The following ITPR2 variants were observed in gnomAD, a reference collection of about 807,000 sequenced individuals.
The protein encoded by ITPR2 is inositol 1,4,5-trisphosphate-gated calcium channel ITPR2.
ITPR2 carries 207 observed loss-of-function variants against 317.1 expected under a neutral mutation model. That is an observed-to-expected ratio of 0.65 (90% CI 0.58 to 0.73). ITPR2 has a LOEUF of 0.73. ITPR2 is among the 30% of genes least tolerant of loss of function. ITPR2 has a pLI of 0.00. For missense variants in ITPR2, 2,613 were observed against 3,284.0 expected, an observed-to-expected ratio of 0.80 and a Z score of 4.99; for synonymous variants, 1,156 against 1,149.1, an observed-to-expected ratio of 1.01 and a Z score of -0.12.
At chr12:26,402,387 C>T (rs1381231274) in intron 52 of ITPR2, among the ~76,000 whole-genome samples, 1 of 152,142 alleles carries the variant, frequency 6.6e-6, no homozygotes, top group African/African-American at 2.4e-5. Flanking sequence ...GGTCATGTCA[C>T]AGGTGTTTGT....
intron 41 of ITPR2, among the ~76,000 whole-genome samples, chr12:26,484,101 A>T (rs1309005064): frequency 6.6e-6 from 1 of 151,422 alleles, no homozygotes; most frequent in Non-Finnish European, 1.5e-5. Context: ...ACACACACAT[A>T]TATATGTATA....
intron 13 of ITPR2, among the ~76,000 whole-genome samples, chr12:26,678,713 T>G (rs1947967025): frequency 6.6e-6 from 1 of 152,180 alleles, no homozygotes; most frequent in Non-Finnish European, 1.5e-5. Flanking sequence ...CTCTTTGCTA[T>G]TAATACAACG....
chr12:26,339,585 G>A (rs1811371515), intron 56 of ITPR2, 102 bp from the exon 57 acceptor site: 1 of 782,888 alleles, frequency 1.3e-6, no homozygotes, highest in Non-Finnish European at 2.2e-6. Context: ...ACTACCTACT[G>A]TCCAGCATCA....
intron 9 of ITPR2, among the ~76,000 whole-genome samples, chr12:26,697,157 C>T (rs1464915913): frequency 6.6e-6 from 1 of 152,194 alleles, no homozygotes; most frequent in Non-Finnish European, 1.5e-5. Context: ...AACTGCGCTG[C>T]AAATGCACCC....
intron 2 of ITPR2, among the ~76,000 whole-genome samples, chr12:26,744,799 C>T (rs529343932): frequency 6.6e-6 from 1 of 152,212 alleles, no homozygotes; most frequent in African/African-American, 2.4e-5. Context: ...TAAAGAACAA[C>T]AAAAACCCAT....
At chr12:26,735,900 A>G (rs1469628748) in intron 2 of ITPR2, among the ~76,000 whole-genome samples, 1 of 152,248 alleles carries the variant, frequency 6.6e-6, no homozygotes, top group African/African-American at 2.4e-5. Flanking sequence ...ATGCCCTTTT[A>G]AAAATGTCTT....
intron 10 of ITPR2, among the ~76,000 whole-genome samples, chr12:26,687,561 C>T (rs909875085): frequency 3.9e-5 from 6 of 152,118 alleles, no homozygotes; most frequent in East Asian, 1.9e-4. Context: ...ATGGCTGCTG[C>T]GACAACAAGA....
intron 26 of ITPR2, among the ~76,000 whole-genome samples, chr12:26,616,593 T>C (rs1444774136): frequency 1.3e-5 from 2 of 152,228 alleles, no homozygotes; most frequent in Non-Finnish European, 2.9e-5. Flanking sequence ...CCACCAATTT[T>C]TTTTAAATCG....
chr12:26,472,100 T>C (rs568889811), intron 45 of ITPR2, among the ~76,000 whole-genome samples: 4 of 152,304 alleles, frequency 2.6e-5, no homozygotes, highest in South Asian at 4.1e-4. Flanking sequence ...TAATTTTTCA[T>C]GAAAAACTGG....
intron 14 of ITPR2, 54 bp from the exon 15 acceptor site, chr12:26,663,900 T>C: frequency 1.0e-6 from 1 of 958,148 alleles, no homozygotes. Flanking sequence ...TTTTGCAACC[T>C]TTTTTTTTTA....
Position 26,657,935 on chromosome 12 carries a change from C to T in ITPR2, c.2007-43G>A, listed in dbSNP as rs566677106. 230 of 1,606,046 alleles carry T rather than the reference C, an allele frequency of 1.4e-4. 1 individual carries two copies. The Admixed American group carries it at 3.0e-3, about 21-fold the overall frequency. On this transcript the variant is annotated intron_variant, in intron 17 of 56. Transcript: ENST00000381340. ...ATACAAAAATCTACTAAAAAGTACA[C>T]TTGTAAATATGACAAAGAATTACAG...
At chr12:26,689,185 G>A (rs955520503) in intron 10 of ITPR2, among the ~76,000 whole-genome samples, 1 of 152,276 alleles carries the variant, frequency 6.6e-6, no homozygotes, top group East Asian at 1.9e-4. Flanking sequence ...GGGAGGCCAA[G>A]GCAGGTGGAT....
intron 45 of ITPR2, among the ~76,000 whole-genome samples, chr12:26,446,120 T>G (rs1486040258): frequency 1.3e-5 from 2 of 152,050 alleles, no homozygotes; most frequent in Non-Finnish European, 2.9e-5. Context: ...AAGCTGATAA[T>G]GAGGACGAGA....
At chr12:26,721,178 C>G in intron 5 of ITPR2, 1 of 436,656 alleles carries the variant, frequency 2.3e-6, no homozygotes, top group Non-Finnish European at 4.1e-6. Flanking sequence ...GCACACATCA[C>G]CTGATGTCAA....
At chr12:26,507,923 C>G (rs768047880) in intron 37 of ITPR2, among the ~76,000 whole-genome samples, 3 of 143,746 alleles carry the variant, frequency 2.1e-5, no homozygotes, top group Non-Finnish European at 4.6e-5. Context: ...GTAATATATA[C>G]GTATATCTAT....
intron 2 of ITPR2, among the ~76,000 whole-genome samples, chr12:26,769,536 G>T (rs1180592072): frequency 6.6e-6 from 1 of 152,000 alleles, no homozygotes; most frequent in Non-Finnish European, 1.5e-5. Context: ...AGCTTATGGA[G>T]CAACACAGAG....
intron 34 of ITPR2, among the ~76,000 whole-genome samples, chr12:26,567,753 T>C (rs1244719185): frequency 6.6e-6 from 1 of 151,276 alleles, no homozygotes; most frequent in Non-Finnish European, 1.5e-5. Flanking sequence ...ACAATGCCAA[T>C]TTAGCTGTCC....
intron 37 of ITPR2, among the ~76,000 whole-genome samples, chr12:26,546,078 C>A (rs1328645246): frequency 3.3e-5 from 5 of 152,078 alleles, no homozygotes; most frequent in African/African-American, 7.2e-5. Flanking sequence ...AATTAAGAAA[C>A]AATAAAATTA....
Position 26,486,376 on chromosome 12 carries a change from T to C in ITPR2, c.5555-16A>G. 6.3e-7 allele frequency: 1 copy of C among 1,582,556 alleles called. No individual in the cohort carries two copies. The highest frequency in any genetic ancestry group is 1.2e-5 in the South Asian group (1 of 86,826). ...GAATCTCTTACTGAAAACAAAGCAG[T>C]ACTTTTATATTTCTGAACCAATTTG... On this transcript the variant is annotated splice_polypyrimidine_tract_variant and intron_variant, in intron 40 of 56. Transcript: ENST00000381340.
Sources: allele counts gnomAD v4.1 joint callset (sites outside exome capture counted in the v4.1 genomes callset), GRCh38; gene constraint gnomAD v4.1.1; transcripts MANE v1.5; gene names NCBI Gene and HGNC (gene_info 2026-07-23, HGNC 2026-07-21).